NRDE2: variants seen among roughly 807,000 people sequenced by gnomAD.
NRDE2 encodes the protein NRDE-2, necessary for RNA interference, domain containing.
Under a neutral mutation model 124.2 loss-of-function variants are expected in NRDE2, and 76 were observed. The ratio of observed to expected loss-of-function variants is 0.61; its 90% CI spans 0.51 to 0.74. The LOEUF (loss-of-function observed/expected upper bound fraction) is 0.74, where lower values mean the gene tolerates loss of function less well. Ranked by LOEUF, NRDE2 falls within the 30% of genes least tolerant of loss-of-function variation. NRDE2 has a pLI of 0.00. For synonymous variants in NRDE2, 489 were observed against 528.1 expected, an observed-to-expected ratio of 0.93 and a Z score of 1.01; for missense variants, 1,314 against 1,417.3, an observed-to-expected ratio of 0.93 and a Z score of 1.17.
Position 90,268,191 on chromosome 14 carries a change from C to CTTTTTTT in NRDE2, c.*10138_*10144dup. ...TAAGTTAAAATGGCACTTAAGGTGTCTTTTTTTTTTTTATCTTTTTCATCC... is the reference window on the plus strand; with the variant it reads ...TAAGTTAAAATGGCACTTAAGGTGTCTTTTTTTTTTTTTTTTTTTATCTTTTTCATCC... On this transcript the variant is annotated 3_prime_UTR_variant, in exon 14 of 14. Transcript: ENST00000354366. 2 of 1,303,802 alleles carry CTTTTTTT rather than the reference C, an allele frequency of 1.5e-6. No homozygotes were observed. The highest frequency in any genetic ancestry group is 1.5e-5 in the African/African-American group (1 of 64,794). The allele number at this position is 1,303,802 out of a possible 1,614,324, so 80.8% of individuals were successfully genotyped here. A position where few individuals can be genotyped will look rare whatever the true frequency, so the allele number is the denominator to read the frequency against.
chr14:90,302,715 C>T lies in NRDE2; in HGVS notation c.1411+5G>A. 1 of 1,594,128 alleles carries T rather than the reference C, an allele frequency of 6.3e-7. No individual in the cohort carries two copies. The highest frequency in any genetic ancestry group is 8.6e-7 in the Non-Finnish European group (1 of 1,169,522). On this transcript the variant is annotated splice_donor_5th_base_variant and intron_variant, in intron 6 of 13. Coordinates refer to ENST00000354366, the MANE Select transcript of NRDE2 (RefSeq NM_017970.4). Reference sequence around the variant, plus strand: ...CCACGTAACTGGATCTGGTTATCTCCTTACCAAACATGGCCTCTTCCGTGC... The same window carrying T: ...CCACGTAACTGGATCTGGTTATCTCTTTACCAAACATGGCCTCTTCCGTGC...
chr14:90,289,017 A>G lies in NRDE2; in HGVS notation c.2358T>C (p.Tyr786=), dbSNP rs1199564532. 2 of 1,614,060 alleles carry G rather than the reference A, an allele frequency of 1.2e-6. No individual in the cohort carries two copies. The highest frequency in any genetic ancestry group is 1.7e-6 in the Non-Finnish European group (2 of 1,180,000). ...TGCCAAGCAACCACTCCAGATGTGC[A>G]TACTGCTTCCACAGGCAAAAGTTGT... ...NCNNFCLWKQ[Y]AHLEWLLGNT... is the part of the protein sequence containing the mutation. The change falls in exon 11 of 14, where the codon TAT becomes TAC. Residue 786 remains tyrosine (Y), a synonymous_variant. Transcript: ENST00000354366.
Position 90,289,127 on chromosome 14 carries a change from T to TTTTTA in NRDE2, c.2247_2248insTAAAA (p.Thr750Ter). 1 of 1,606,344 alleles carries TTTTTA rather than the reference T, an allele frequency of 6.2e-7. No individual in the cohort carries two copies. The highest frequency in any genetic ancestry group is 8.5e-7 in the Non-Finnish European group (1 of 1,174,188). On this transcript the variant is annotated stop_gained and frameshift_variant, in exon 11 of 14. Coordinates refer to ENST00000354366, the MANE Select transcript of NRDE2 (RefSeq NM_017970.4). LOFTEE classifies it high-confidence loss of function. ...GACTTTAATCTCTTCTTGTTTTTAGTGTGCAGGCACCAAATGACCTACAGG... is the reference window on the plus strand; with the variant it reads ...GACTTTAATCTCTTCTTGTTTTTAGTTTTTAGTGCAGGCACCAAATGACCTACAGG...
intron 9 of NRDE2, 75 bp from the exon 10 acceptor site, chr14:90,290,682 G>A: frequency 3.5e-6 from 5 of 1,421,046 alleles, no homozygotes; most frequent in Non-Finnish European, 4.8e-6. Flanking sequence ...CTCTTTATAT[G>A]CATGTACTAA....
rs756440981 is a variant in NRDE2, at chr14:90,286,373, C to T, written c.3278G>A (p.Arg1093Lys). Reference sequence around the variant, plus strand: ...TCTTACCAGAAAGTTCAAATACATCCTCCACAGCAAGGGGCACTGGCTGCC... The same window carrying T: ...TCTTACCAGAAAGTTCAAATACATCTTCCACAGCAAGGGGCACTGGCTGCC... ...DSGSQCPLLW[R>K]MYLNFLVSLG... The change falls in exon 12 of 14, where the codon AGG becomes AAG. Residue 1093 changes from arginine (R) to lysine (K), a missense_variant. Arg to Lys is a conservative substitution (Grantham distance 26). Coordinates refer to ENST00000354366, the MANE Select transcript of NRDE2 (RefSeq NM_017970.4). The T allele has an allele frequency of 6.2e-7, 1 of 1,613,880 alleles. No homozygotes were observed. The highest frequency in any genetic ancestry group is 1.7e-5 in the Admixed American group (1 of 59,966).
Position 90,271,892 on chromosome 14 carries a change from ATTTTTTT to A in NRDE2, c.*6437_*6443del, listed in dbSNP as rs58641715. 5 of 140,142 alleles carry A rather than the reference ATTTTTTT, an allele frequency of 3.6e-5. No individual in the cohort carries two copies. The highest frequency in any genetic ancestry group is 2.2e-4 in the South Asian group (1 of 4,614). The allele number at this position is 140,142 out of a possible 1,614,324, so 8.7% of individuals were successfully genotyped here. ...TGTCTCATGCTTTATTTCAGAACAGATTTTTTTTTTTTTTTTTTTGAGGTAGAGTTTC... is the reference window on the plus strand; with the variant it reads ...TGTCTCATGCTTTATTTCAGAACAGATTTTTTTTTTTTGAGGTAGAGTTTC... On this transcript the variant is annotated 3_prime_UTR_variant, in exon 14 of 14. Coordinates refer to ENST00000354366, the MANE Select transcript of NRDE2 (RefSeq NM_017970.4).
intron 1 of NRDE2, among the ~76,000 whole-genome samples, chr14:90,324,120 AAGG>A (rs756286969): frequency 6.6e-6 from 1 of 152,084 alleles, no homozygotes. Context: ...CTAAGATCTA[AAGG>A]AGGAGGAGTG....
At position 90,304,378 on chromosome 14, in the gene NRDE2, T is replaced by C. The variant is rs770800353; in HGVS notation, c.562A>G (p.Lys188Glu). 1 of 1,590,206 alleles carries C rather than the reference T, an allele frequency of 6.3e-7. No individual in the cohort carries two copies. Among genetic ancestry groups the C allele is most frequent in the Non-Finnish European group, 8.5e-7 (1 of 1,170,206 alleles). Residue 188 changes from lysine to glutamate, a missense_variant, in exon 5 of 14, where the codon AAG (lysine) becomes GAG (glutamate). Coordinates refer to ENST00000354366, the MANE Select transcript of NRDE2 (RefSeq NM_017970.4). ...CCAAGGCAGGAGTCTCCTTTCCTCT[T>C]GTATCTGATATTAGAAAAAGAAAAA... is the stretch of plus-strand genomic sequence containing the variant. The part of the protein sequence containing the change: ...SLYRGDIARY[K>E]RKGDSCLGIN...
chr14:90,290,324 C>T lies in NRDE2; in HGVS notation c.2126G>A (p.Gly709Asp), dbSNP rs199643549. The T allele has an allele frequency of 1.9e-5, 31 of 1,614,120 alleles. No individual in the cohort carries two copies. Among genetic ancestry groups the T allele is most frequent in the Middle Eastern group, 1.7e-4 (1 of 6,058 alleles). Residue 709 changes from glycine to aspartate, a missense_variant, in exon 10 of 14, where the codon GGC becomes GAC. By Grantham distance (94) the Gly-to-Asp change is moderately conservative (BLOSUM62 -1). Coordinates refer to ENST00000354366, the MANE Select transcript of NRDE2 (RefSeq NM_017970.4). Reference sequence around the variant, plus strand: ...GAAGACATTGCGGATGAACTCCTCGCCCTCTCGGTTCTGACCCCTGGTCCA... The same window carrying T: ...GAAGACATTGCGGATGAACTCCTCGTCCTCTCGGTTCTGACCCCTGGTCCA... ...PRWTRGQNRE[G>D]EEFIRNVFHL...
In NRDE2 at chr14:90,278,297, A is replaced by G; in HGVS notation, c.*39T>C. ...GCCTCCTAGCTCCGCAGGGTGGGCA[A>G]CTTGGCCTCGCAGGCACAGCCCGTT... On this transcript the variant is annotated 3_prime_UTR_variant, in exon 14 of 14. Transcript: ENST00000354366. The G allele has an allele frequency of 6.2e-7, 1 of 1,613,284 alleles. No individual in the cohort carries two copies. Among genetic ancestry groups the G allele is most frequent in the South Asian group, 1.1e-5 (1 of 91,038 alleles).
rs748300350 is a variant in NRDE2, at chr14:90,298,463, A to AAG, written c.1546-85_1546-84dup. 1.6e-3 allele frequency: 2,159 copies of AAG among 1,354,476 alleles called. 4 individuals are homozygous for AAG. Among genetic ancestry groups the AAG allele is most frequent in the Non-Finnish European group, 2.1e-3 (2,030 of 952,892 alleles). 83.9% of individuals were successfully genotyped at this position (1,354,476 alleles called of 1,614,324 possible). A position where few individuals can be genotyped will look rare whatever the true frequency, so the allele number is the denominator to read the frequency against. On this transcript the variant is annotated intron_variant, in intron 7 of 13. Transcript: ENST00000354366. Reference sequence around the variant, plus strand: ...GGGCAAAATCCGCGCTGGTGGATATAAGAGAAGCTTATGATCCTTGAAATC... The same window carrying AAG: ...GGGCAAAATCCGCGCTGGTGGATATAAGAGAGAAGCTTATGATCCTTGAAATC...
At chr14:90,292,218 T>C (rs1331088338) in intron 9 of NRDE2, among the ~76,000 whole-genome samples, 1 of 152,234 alleles carries the variant, frequency 6.6e-6, no homozygotes, top group African/African-American at 2.4e-5. Flanking sequence ...CTGTCCAACA[T>C]GGACCCTACG....
At position 90,270,409 on chromosome 14, in the gene NRDE2, A is replaced by G; in HGVS notation, c.*7927T>C. 4 of 1,556,162 alleles carry G rather than the reference A, an allele frequency of 2.6e-6. No individual in the cohort carries two copies. In the South Asian group the frequency reaches 3.5e-5, roughly 14 times the overall value. On this transcript the variant is annotated 3_prime_UTR_variant, in exon 14 of 14. Transcript: ENST00000354366. ...GGAATGTGGCCGTCAATCAGGAAAGAGTCTATATGTGCTCTTGGGATGGTG... is the reference window on the plus strand; with the variant it reads ...GGAATGTGGCCGTCAATCAGGAAAGGGTCTATATGTGCTCTTGGGATGGTG...
chr14:90,305,065 T>G (rs1224722012), intron 4 of NRDE2, among the ~76,000 whole-genome samples: 1 of 152,214 alleles, frequency 6.6e-6, no homozygotes, highest in African/African-American at 2.4e-5. Flanking sequence ...TTTTTCTGTA[T>G]GTATGTTAGC....
intron 8 of NRDE2, among the ~76,000 whole-genome samples, chr14:90,294,125 C>T (rs905369876): frequency 2.9e-4 from 44 of 152,058 alleles, no homozygotes; most frequent in Non-Finnish European, 5.9e-5. Context: ...CATGAACAAA[C>T]CATTGATATA....
rs997158867 is a variant in NRDE2, at chr14:90,275,397, TAA to T, written c.*2937_*2938del. The stretch of plus-strand genomic sequence containing the variant: ...TTTGTAACGCACTTGCATCTTTTCC[TAA>T]GTTTGAGATTAAAAAAAACAAAAAA... On this transcript the variant is annotated 3_prime_UTR_variant, in exon 14 of 14. Transcript: ENST00000354366. 1 of 152,174 alleles carries T rather than the reference TAA, an allele frequency of 6.6e-6. No individual in the cohort carries two copies. The highest frequency in any genetic ancestry group is 1.5e-5 in the Non-Finnish European group (1 of 68,046). 9.4% of individuals were successfully genotyped at this position (152,174 alleles called of 1,614,324 possible). A position where few individuals can be genotyped will look rare whatever the true frequency, so the allele number is the denominator to read the frequency against.
intron 4 of NRDE2, among the ~76,000 whole-genome samples, chr14:90,308,022 A>C (rs1884680451): frequency 6.6e-6 from 1 of 152,190 alleles, no homozygotes; most frequent in African/African-American, 2.4e-5. Flanking sequence ...TGCTGGGACT[A>C]CAGGTGTGGG....
rs747841576 is a variant in NRDE2, at chr14:90,303,068, G to A, written c.1063C>T (p.Arg355Ter). Residue 355 changes from arginine to a stop codon, truncating the protein, a stop_gained, in exon 6 of 14, where the codon CGA becomes TGA. Transcript: ENST00000354366. LOFTEE classifies it high-confidence loss of function. ...YAIEEGEQEK[R>*]KRSLKLILEK... is the part of the protein sequence containing the mutation. Reference sequence around the variant, plus strand: ...AGAATGAGCTTCAGGGACCTCTTTCGCTTTTCCTGCTCTCCTTCCTCGATG... The same window carrying A: ...AGAATGAGCTTCAGGGACCTCTTTCACTTTTCCTGCTCTCCTTCCTCGATG... 19 of 1,613,806 alleles carry A rather than the reference G, an allele frequency of 1.2e-5. No individual in the cohort carries two copies. The highest frequency in any genetic ancestry group is 2.7e-5 in the African/African-American group (2 of 74,896).
rs1884971593 is a variant in NRDE2 at position 90,314,574 on chromosome 14, G to A, written c.407+2004C>T. On this transcript the variant is annotated intron_variant, in intron 3 of 13. Coordinates refer to ENST00000354366, the MANE Select transcript of NRDE2 (RefSeq NM_017970.4). Reference sequence around the variant, plus strand: ...AAAGATAGTTCCTGTGTGGTTTCAGGAAATCCTTTAAAACTCATTTTCCCC... The same window carrying A: ...AAAGATAGTTCCTGTGTGGTTTCAGAAAATCCTTTAAAACTCATTTTCCCC... 2.0e-5 allele frequency among the ~76,000 whole-genome samples: 3 copies of A among 152,180 alleles called. No homozygotes were observed. In the South Asian group the frequency reaches 6.2e-4, roughly 32 times the overall value.
Sources: gnomAD v4.1 joint callset for allele counts (sites outside exome capture counted in the v4.1 genomes callset) on GRCh38, gnomAD v4.1.1 for gene constraint, MANE v1.5 for transcripts, NCBI Gene and HGNC (gene_info 2026-07-23, HGNC 2026-07-21) for gene names.